The following SPAG16 variants were observed in gnomAD, a reference collection of about 807,000 sequenced individuals.
SPAG16 encodes the protein sperm-associated antigen 16 protein.
A neutral mutation model predicts 80.4 loss-of-function variants in SPAG16; 86 were observed. That is an observed-to-expected ratio of 1.07 (90% CI 0.90 to 1.28). The LOEUF (loss-of-function observed/expected upper bound fraction) is 1.28, where lower values mean the gene tolerates loss of function less well. Ranked by LOEUF, SPAG16 falls within the 50% of genes most tolerant of loss-of-function variation. The probability of loss-of-function intolerance (pLI) is 0.00; values close to 1 mark genes in which losing one functional copy is unlikely to be tolerated. For missense variants in SPAG16, 870 were observed against 765.3 expected (o/e 1.14, Z -1.61); for synonymous variants, 294 against 265.9 (o/e 1.11, Z -1.03).
chr2:213,990,786 A>G (rs1192339845), intron 12 of SPAG16, among the ~76,000 whole-genome samples: 1 of 152,018 alleles, frequency 6.6e-6, no homozygotes, highest in African/African-American at 2.4e-5. Flanking sequence ...CCATGTTGTT[A>G]AGGTTCCAGT....
At chr2:213,362,074 A>G (rs1429883999) in intron 7 of SPAG16, among the ~76,000 whole-genome samples, 2 of 152,090 alleles carry the variant, frequency 1.3e-5, no homozygotes, top group Non-Finnish European at 2.9e-5. Context: ...AGTTGCCCAG[A>G]TGTTGGGCAC....
intron 9 of SPAG16, among the ~76,000 whole-genome samples, chr2:213,395,953 C>T (rs1223511375): frequency 6.6e-6 from 1 of 152,200 alleles, no homozygotes; most frequent in Non-Finnish European, 1.5e-5. Context: ...TATGGTTCTT[C>T]AGTGGTCTGA....
chr2:214,022,602 A>T (rs185964284), intron 13 of SPAG16, among the ~76,000 whole-genome samples: 1 of 152,124 alleles, frequency 6.6e-6, no homozygotes, highest in East Asian at 1.9e-4. Context: ...CTCTCATGAA[A>T]CTCGGAGCTT....
intron 10 of SPAG16, among the ~76,000 whole-genome samples, chr2:213,660,485 T>A (rs907145157): frequency 6.6e-6 from 1 of 152,114 alleles, no homozygotes; most frequent in Non-Finnish European, 1.5e-5. Flanking sequence ...AGGGCTTGCA[T>A]GTCTGACATA....
intron 10 of SPAG16, among the ~76,000 whole-genome samples, chr2:213,741,564 A>G (rs2067555996): frequency 6.6e-6 from 1 of 152,212 alleles, no homozygotes; most frequent in Non-Finnish European, 1.5e-5. Flanking sequence ...TATATTAATC[A>G]AGTACAGATA....
chr2:213,729,958 A>C (rs1057397966), intron 10 of SPAG16, among the ~76,000 whole-genome samples: 2 of 152,246 alleles, frequency 1.3e-5, no homozygotes, highest in African/African-American at 4.8e-5. Flanking sequence ...TAAATTAAAC[A>C]AAATGAGCAA....
intron 15 of SPAG16, among the ~76,000 whole-genome samples, chr2:214,327,759 C>A (rs1218359512): frequency 6.6e-6 from 1 of 151,434 alleles, no homozygotes; most frequent in Non-Finnish European, 1.5e-5. Context: ...ATTAAGAGAT[C>A]CTGCATTTGA....
At chr2:213,465,318 C>T (rs77063119) in intron 9 of SPAG16, among the ~76,000 whole-genome samples, 3,644 of 152,244 alleles carry the variant, frequency 0.024, 58 homozygotes, top group South Asian at 0.038. Flanking sequence ...CACTTGCACC[C>T]GAGAAAACAG....
rs117830542 is a variant in SPAG16, at chr2:214,152,351, A to G, written c.1720+3085A>G. ...AACCAAAGGTGAAGAAAAAGAATAT[A>G]GACTATATATTTCAGACCCTTAGGT... On this transcript the variant is annotated intron_variant, in intron 15 of 15. Transcript: ENST00000331683. 3.9e-4 allele frequency among the ~76,000 whole-genome samples: 60 copies of G among 152,308 alleles called. No individual in the cohort carries two copies. The East Asian group carries it at 0.012, about 29-fold the overall frequency.
chr2:213,333,745 CTG>C (rs1307011566), intron 5 of SPAG16, among the ~76,000 whole-genome samples: 1 of 152,046 alleles, frequency 6.6e-6, no homozygotes, highest in African/African-American at 2.4e-5. Flanking sequence ...AGAACATACA[CTG>C]TGGAAAAGGC....
chr2:213,780,783 T>A (rs1429928710), intron 10 of SPAG16, among the ~76,000 whole-genome samples: 1 of 152,166 alleles, frequency 6.6e-6, no homozygotes, highest in African/African-American at 2.4e-5. Flanking sequence ...TGTATGCTTT[T>A]TTTGCCAGAG....
At chr2:214,264,107 T>C (rs1691373694) in intron 15 of SPAG16, among the ~76,000 whole-genome samples, 1 of 152,144 alleles carries the variant, frequency 6.6e-6, no homozygotes. Flanking sequence ...TGAAACCACC[T>C]CCTGTTCTTC....
In SPAG16 at chr2:214,014,004, A is replaced by G. The variant is rs781632170; in HGVS notation, c.1454A>G (p.Glu485Gly). ...YGHTDSVNSI[E>G]FFPFSNTLLT... ...CATACAGATTCTGTGAACAGCATTG[A>G]GTTTTTTCCTTTCTCCAATACTCTT... The change falls in exon 13 of 16, where the codon GAG (glutamate) becomes GGG (glycine). Residue 485 changes from glutamate to glycine, a missense_variant. Transcript: ENST00000331683. 1 of 1,613,558 alleles carries G rather than the reference A, an allele frequency of 6.2e-7. No homozygotes were observed. The highest frequency in any genetic ancestry group is 1.1e-5 in the South Asian group (1 of 91,074).
At chr2:213,658,963 G>A (rs539661250) in intron 10 of SPAG16, among the ~76,000 whole-genome samples, 1 of 152,096 alleles carries the variant, frequency 6.6e-6, no homozygotes, top group Non-Finnish European at 1.5e-5. Context: ...TTGCACCCGG[G>A]AGGCAGAGGT....
At chr2:214,248,115 G>A in intron 15 of SPAG16, among the ~76,000 whole-genome samples, 1 of 151,618 alleles carries the variant, frequency 6.6e-6, no homozygotes. Flanking sequence ...CTCTAGTTCA[G>A]ATATAAAAGT....
intron 15 of SPAG16, among the ~76,000 whole-genome samples, chr2:214,191,582 T>C (rs2057664710): frequency 6.6e-6 from 1 of 150,870 alleles, no homozygotes; most frequent in Non-Finnish European, 1.5e-5. Context: ...GGTGTGGTAG[T>C]GCATGCCCCT....
chr2:213,556,765 C>T (rs1173994388), intron 10 of SPAG16, among the ~76,000 whole-genome samples: 1 of 152,120 alleles, frequency 6.6e-6, no homozygotes, highest in East Asian at 1.9e-4. Context: ...CATATGCAAA[C>T]CATTCCATCC....
In SPAG16 at chr2:214,355,037, C is replaced by T. The variant is rs560113057; in HGVS notation, c.1721-55103C>T. ...CCTGGCCAGAACTTCAGATTAAAGA[C>T]TTAAATGTTAGACCTAAAACCATAA... On this transcript the variant is annotated intron_variant, in intron 15 of 15. Coordinates refer to ENST00000331683, the MANE Select transcript of SPAG16 (RefSeq NM_024532.5). 5.6e-4 allele frequency among the ~76,000 whole-genome samples: 86 copies of T among 152,230 alleles called. 1 individual carries two copies. The Middle Eastern group carries it at 0.01, about 18-fold the overall frequency.
chr2:214,027,562 G>T (rs896324635), intron 13 of SPAG16, among the ~76,000 whole-genome samples: 1 of 151,640 alleles, frequency 6.6e-6, no homozygotes, highest in African/African-American at 2.4e-5. Context: ...TATTGATAAA[G>T]GATCTATAAG....
Sources: allele counts gnomAD v4.1 joint callset (sites outside exome capture counted in the v4.1 genomes callset), GRCh38; gene constraint gnomAD v4.1.1; transcripts MANE v1.5; gene names NCBI Gene and HGNC (gene_info 2026-07-23, HGNC 2026-07-21).